Variants in ACOT12 observed in about 807,000 individuals in gnomAD.
The protein encoded by ACOT12 is acetyl-coenzyme A thioesterase.
ACOT12 carries 51 observed loss-of-function variants against 67.7 expected under a neutral mutation model. The ratio of observed to expected loss-of-function variants is 0.75; its 90% CI spans 0.60 to 0.95. The LOEUF (loss-of-function observed/expected upper bound fraction) is 0.95, where lower values mean the gene tolerates loss of function less well. Ranked by LOEUF, ACOT12 falls within the 40% of genes least tolerant of loss-of-function variation. The probability of loss-of-function intolerance (pLI) is 0.00; values close to 1 mark genes in which losing one functional copy is unlikely to be tolerated. For missense variants in ACOT12, 734 were observed against 708.1 expected (o/e 1.04, Z -0.41); for synonymous variants, 251 against 244.6 (o/e 1.03, Z -0.24).
At chr5:81,375,937 G>A (rs1321866274) in intron 2 of ACOT12, among the ~76,000 whole-genome samples, 1 of 152,164 alleles carries the variant, frequency 6.6e-6, no homozygotes, top group African/African-American at 2.4e-5. Flanking sequence ...CAATGAGACA[G>A]AAAATTAACA....
chr5:81,369,214 C>T (rs1008033729), intron 3 of ACOT12, among the ~76,000 whole-genome samples: 2 of 151,560 alleles, frequency 1.3e-5, no homozygotes, highest in Non-Finnish European at 2.9e-5. Context: ...ACAATATCAT[C>T]TATTAATAGT....
intron 13 of ACOT12, among the ~76,000 whole-genome samples, chr5:81,331,407 CAT>C (rs1758823055): frequency 1.3e-5 from 2 of 152,178 alleles, no homozygotes; most frequent in South Asian, 4.1e-4. Context: ...CATGGTGGCG[CAT>C]GCCTGTAATC....
intron 11 of ACOT12, among the ~76,000 whole-genome samples, chr5:81,338,646 T>C (rs1333908135): frequency 1.2e-4 from 18 of 152,208 alleles, no homozygotes; most frequent in Non-Finnish European, 1.9e-4. Context: ...AACTCAAACG[T>C]TTTCTTTATC....
At chr5:81,328,773 T>C (rs1758735741), downstream of ACOT12, among the ~76,000 whole-genome samples, 1 of 152,034 alleles carries the variant, frequency 6.6e-6, no homozygotes, top group Non-Finnish European at 1.5e-5. Context: ...CTAAGATAGG[T>C]GAAAATGGGA....
the ACOT12 span, chr5:81,312,637 A>G: frequency 8.1e-6 from 13 of 1,613,524 alleles, no homozygotes; most frequent in East Asian, 2.7e-4. Context: ...CCCAAAACAA[A>G]AATACCTAAA....
chr5:81,392,855 C>A (rs1760900126), intron 1 of ACOT12, among the ~76,000 whole-genome samples: 1 of 152,158 alleles, frequency 6.6e-6, no homozygotes, highest in Non-Finnish European at 1.5e-5. Flanking sequence ...TGAGGGCTCT[C>A]TTCCTGGCCT....
At chr5:81,339,481 C>G (rs1670285539) in intron 11 of ACOT12, among the ~76,000 whole-genome samples, 1 of 152,214 alleles carries the variant, frequency 6.6e-6, no homozygotes, top group Admixed American at 6.5e-5. Flanking sequence ...ATGCTAATTT[C>G]CACCAGGAGA....
chr5:81,336,144 G>A (rs1640780880), intron 11 of ACOT12, among the ~76,000 whole-genome samples: 1 of 151,614 alleles, frequency 6.6e-6, no homozygotes, highest in African/African-American at 2.4e-5. Flanking sequence ...TTTAATTATT[G>A]CACAACAGTT....
the ACOT12 span, chr5:81,313,071 A>G: frequency 5.9e-5 from 9 of 152,664 alleles, no homozygotes; most frequent in Non-Finnish European, 1.0e-4. Context: ...TTATTATAAT[A>G]GAAATTTATA....
chr5:81,344,837 T>C, intron 8 of ACOT12, 54 bp downstream of exon 8: 5 of 1,598,768 alleles, frequency 3.1e-6, no homozygotes, highest in Non-Finnish European at 4.3e-6. Context: ...AGATTCTAGG[T>C]AGAGCTCTCT....
chr5:81,373,213 G>A (rs917132461), intron 2 of ACOT12, among the ~76,000 whole-genome samples: 8 of 152,344 alleles, frequency 5.3e-5, no homozygotes, highest in Non-Finnish European at 8.8e-5. Flanking sequence ...AGCCCATGGA[G>A]GGTGAGCCGA....
intron 2 of ACOT12, among the ~76,000 whole-genome samples, chr5:81,382,226 C>T (rs1030933852): frequency 2.6e-5 from 4 of 152,052 alleles, no homozygotes; most frequent in South Asian, 2.1e-4. Flanking sequence ...CTGAAAAGGC[C>T]GAGAACGAAT....
intron 1 of ACOT12, among the ~76,000 whole-genome samples, chr5:81,393,702 T>A (rs1760922109): frequency 6.6e-6 from 1 of 150,440 alleles, no homozygotes; most frequent in South Asian, 2.1e-4. Flanking sequence ...GGGAGAGAGC[T>A]CAACAACAAC....
At chr5:81,338,719 G>T (rs912897619) in intron 11 of ACOT12, among the ~76,000 whole-genome samples, 2 of 152,158 alleles carry the variant, frequency 1.3e-5, no homozygotes, top group African/African-American at 2.4e-5. Flanking sequence ...CTCAAAATCT[G>T]CTGGATCTTG....
At chr5:81,358,164 A>T (rs1162893630) in intron 5 of ACOT12, among the ~76,000 whole-genome samples, 1 of 152,218 alleles carries the variant, frequency 6.6e-6, no homozygotes, top group Non-Finnish European at 1.5e-5. Flanking sequence ...TTTAAAAGAC[A>T]TAACTGCAGA....
intron 12 of ACOT12, among the ~76,000 whole-genome samples, chr5:81,334,455 G>C (rs544916540): frequency 5.8e-4 from 88 of 152,302 alleles, no homozygotes; most frequent in African/African-American, 1.9e-3. Context: ...TCCCTCTAGG[G>C]GTTTGAGCAG....
At chr5:81,384,724 T>G (rs1580596501) in intron 2 of ACOT12, among the ~76,000 whole-genome samples, 1 of 152,214 alleles carries the variant, frequency 6.6e-6, no homozygotes, top group African/African-American at 2.4e-5. Context: ...CATTAAGTGA[T>G]GCATGACTGT....
intron 4 of ACOT12, among the ~76,000 whole-genome samples, chr5:81,362,222 A>G (rs887158893): frequency 1.3e-5 from 2 of 148,894 alleles, no homozygotes; most frequent in Admixed American, 6.8e-5. Flanking sequence ...CTGGAGTGCA[A>G]TGGCACAATC....
At chr5:81,368,393 A>G (rs1184685924) in intron 3 of ACOT12, among the ~76,000 whole-genome samples, 1 of 152,188 alleles carries the variant, frequency 6.6e-6, no homozygotes, top group Non-Finnish European at 1.5e-5. Context: ...TAAGCAACAC[A>G]TTCTTTTCAA....
Sources: gnomAD v4.1 joint callset for allele counts (sites outside exome capture counted in the v4.1 genomes callset) on GRCh38, gnomAD v4.1.1 for gene constraint, MANE v1.5 for transcripts, NCBI Gene and HGNC (gene_info 2026-07-23, HGNC 2026-07-21) for gene names.